The following METTL16 variants were observed in gnomAD, a reference collection of about 807,000 sequenced individuals.
METTL16 encodes RNA N(6)-adenosine-methyltransferase METTL16.
A neutral mutation model predicts 57.9 loss-of-function variants in METTL16; 19 were observed. That is an observed-to-expected ratio of 0.33 (90% CI 0.23 to 0.48). The LOEUF (loss-of-function observed/expected upper bound fraction) is 0.48, where lower values mean the gene tolerates loss of function less well. METTL16 is among the 20% of genes least tolerant of loss of function. The probability of loss-of-function intolerance (pLI) is 0.99; values close to 1 mark genes in which losing one functional copy is unlikely to be tolerated. For synonymous variants in METTL16, 246 were observed against 255.6 expected (o/e 0.96, Z 0.36); for missense variants, 434 against 691.5 (o/e 0.63, Z 4.18).
chr17:2,474,870 A>C (rs1885396389), intron 3 of METTL16, among the ~76,000 whole-genome samples: 2 of 152,128 alleles, frequency 1.3e-5, no homozygotes, highest in Non-Finnish European at 2.9e-5. Flanking sequence ...CAGTGAGCCG[A>C]GATCGTGCCA....
intron 2 of METTL16, among the ~76,000 whole-genome samples, chr17:2,492,591 C>T (rs1464900643): frequency 6.6e-6 from 1 of 151,958 alleles, no homozygotes; most frequent in African/African-American, 2.4e-5. Flanking sequence ...AAGAAAATTA[C>T]ATAAAATCTC....
chr17:2,446,485 C>CA (rs950463975), intron 6 of METTL16, among the ~76,000 whole-genome samples: 1 of 152,180 alleles, frequency 6.6e-6, no homozygotes, highest in Non-Finnish European at 1.5e-5. Context: ...AAGGTCAACA[C>CA]AAAATCAATT....
Position 2,420,563 on chromosome 17 carries a change from C to T in METTL16, c.1096G>A (p.Glu366Lys), listed in dbSNP as rs760799649. Residue 366 changes from glutamate (E) to lysine (K), a missense_variant, in exon 10 of 10, where the codon GAA becomes AAA. This residue lies in a region of METTL16 where 26 missense variants were observed against 63.0 expected (regional missense o/e 0.41). Transcript: ENST00000263092. The surrounding 1 kb of genome is among the most constrained non-coding windows in gnomAD (Gnocchi z 5.4). ...ATGGCCGTTAGGAAAAGGCTGACTT[C>T]CTCTTTTCCACAGGGAACTCGTTTA... ...QHKRVPCGKE[E>K]VSLFLTAIEN... is the part of the protein sequence containing the mutation. 6.2e-7 allele frequency: 1 copy of T among 1,612,600 alleles called. No homozygotes were observed. Among genetic ancestry groups the T allele is most frequent in the Admixed American group, 1.7e-5 (1 of 59,908 alleles).
chr17:2,511,734 T>C, intron 1 of METTL16, 25 bp downstream of exon 1: 1 of 398,108 alleles, frequency 2.5e-6, no homozygotes. Context: ...ATAGTAAATC[T>C]GCGTGAGAGA....
intron 2 of METTL16, among the ~76,000 whole-genome samples, chr17:2,493,304 T>C (rs1377788028): frequency 3.3e-5 from 5 of 151,606 alleles, no homozygotes; most frequent in Non-Finnish European, 7.4e-5. Flanking sequence ...TTAGCCAGGA[T>C]AGTCTTGATC....
rs1412105567 is a variant in METTL16, at chr17:2,416,054, TTC to T, written c.*3914_*3915del. 1 of 152,358 alleles carries T rather than the reference TTC, an allele frequency of 6.6e-6. No individual in the cohort carries two copies. The highest frequency in any genetic ancestry group is 2.4e-5 in the African/African-American group (1 of 41,586). 9.4% of individuals were successfully genotyped at this position (152,358 alleles called of 1,614,324 possible). On this transcript the variant is annotated 3_prime_UTR_variant, in exon 10 of 10. Coordinates refer to ENST00000263092, the MANE Select transcript of METTL16 (RefSeq NM_024086.4). ...TAAAGAGACCATGGCTAGTGTTTTTTTCTCTTTCTACTTTTATTTTTCAAATT... is the reference window on the plus strand; with the variant it reads ...TAAAGAGACCATGGCTAGTGTTTTTTTCTTTCTACTTTTATTTTTCAAATT...
In METTL16 at chr17:2,427,843, G is replaced by C. The variant is rs541139754; in HGVS notation, c.889-6939C>G. The stretch of plus-strand genomic sequence containing the variant: ...TATCAGCAAGTATATGCTGGGTACA[G>C]TGGCTCACACCTGCAATCCCAGCAC... On this transcript the variant is annotated intron_variant, in intron 8 of 9. Transcript: ENST00000263092. 5.9e-5 allele frequency among the ~76,000 whole-genome samples: 9 copies of C among 152,048 alleles called. No individual in the cohort carries two copies. In the South Asian group the frequency reaches 1.9e-3, roughly 32 times the overall value.
intron 6 of METTL16, among the ~76,000 whole-genome samples, chr17:2,457,957 G>A (rs1400785292): frequency 6.6e-6 from 1 of 151,990 alleles, no homozygotes; most frequent in African/African-American, 2.4e-5. Context: ...ACAGCTCATG[G>A]CAGCCTCAAC....
At chr17:2,447,514 C>T in intron 6 of METTL16, among the ~76,000 whole-genome samples, 1 of 126,314 alleles carries the variant, frequency 7.9e-6, no homozygotes, top group Non-Finnish European at 1.6e-5. Flanking sequence ...CTCTGCCCGG[C>T]CGCCCCTACT....
At chr17:2,510,351 T>C (rs899088724) in intron 1 of METTL16, among the ~76,000 whole-genome samples, 14 of 152,226 alleles carry the variant, frequency 9.2e-5, no homozygotes, top group African/African-American at 3.1e-4. Flanking sequence ...TTGCTGACTT[T>C]AGTCACCATA....
In METTL16 at chr17:2,473,450, G is replaced by A. The variant is rs1426814916; in HGVS notation, c.469+74C>T. ...CCGAAGTCTGTGTATTAAAGAAAAA[G>A]GTAATGAAATGCGTTAAACTAAAAA... On this transcript the variant is annotated intron_variant, in intron 4 of 9. Coordinates refer to ENST00000263092, the MANE Select transcript of METTL16 (RefSeq NM_024086.4). 7 of 1,481,634 alleles carry A rather than the reference G, an allele frequency of 4.7e-6. No homozygotes were observed. The East Asian group carries it at 1.4e-4, about 30-fold the overall frequency. The allele number at this position is 1,481,634 out of a possible 1,614,324, so 91.8% of individuals were successfully genotyped here. A position where few individuals can be genotyped will look rare whatever the true frequency, so the allele number is the denominator to read the frequency against.
intron 2 of METTL16, among the ~76,000 whole-genome samples, chr17:2,495,650 C>T (rs530339698): frequency 2.1e-5 from 3 of 144,606 alleles, no homozygotes; most frequent in African/African-American, 5.3e-5. Context: ...AGCTGAGATC[C>T]GGCCACTGCA....
chr17:2,420,286 T>C lies in METTL16; in HGVS notation c.1373A>G (p.Glu458Gly), dbSNP rs751695254. Residue 458 changes from glutamate (E) to glycine (G), a missense_variant, in exon 10 of 10, where the codon GAA becomes GGA. Physicochemically the swap from Glu to Gly is moderately conservative, Grantham distance 98 (BLOSUM62 -2). Transcript: ENST00000263092. The surrounding 1 kb of genome is among the most constrained non-coding windows in gnomAD (Gnocchi z 5.4). ...CPSQESLSQEENPEPTEDERS... is the reference protein window; with the variant it reads ...CPSQESLSQEGNPEPTEDERS... The stretch of plus-strand genomic sequence containing the variant: ...TTCATCCTCCGTGGGTTCCGGGTTT[T>C]CCTCCTGGGACAGGGACTCCTGGCT... 2 of 1,613,380 alleles carry C rather than the reference T, an allele frequency of 1.2e-6. No homozygotes were observed. The highest frequency in any genetic ancestry group is 2.2e-5 in the East Asian group (1 of 44,884).
intron 6 of METTL16, among the ~76,000 whole-genome samples, chr17:2,449,644 G>C (rs2067053698): frequency 6.6e-6 from 1 of 152,180 alleles, no homozygotes; most frequent in Non-Finnish European, 1.5e-5. Flanking sequence ...CAGATTAACA[G>C]AATGGAACAG....
chr17:2,448,773 T>TAAAAAAAAAA (rs1391105641), intron 6 of METTL16, among the ~76,000 whole-genome samples: 1 of 29,608 alleles, frequency 3.4e-5, no homozygotes, highest in African/African-American at 1.4e-4. Flanking sequence ...AAATAAAAAA[T>TAAAAAAAAAA]AAAAAAATAA....
intron 4 of METTL16, among the ~76,000 whole-genome samples, chr17:2,468,191 C>T (rs1167741807): frequency 3.9e-5 from 6 of 152,194 alleles, no homozygotes; most frequent in South Asian, 2.1e-4. Context: ...GCACACACTA[C>T]GATGAATCAC....
chr17:2,472,112 C>A (rs2067239366), intron 4 of METTL16, among the ~76,000 whole-genome samples: 1 of 146,146 alleles, frequency 6.8e-6, no homozygotes, highest in African/African-American at 2.5e-5. Context: ...AAAACTAAGT[C>A]TCAAAAAAAA....
intron 6 of METTL16, among the ~76,000 whole-genome samples, chr17:2,461,576 CTTTT>C (rs568432589): frequency 8.1e-6 from 1 of 123,958 alleles, no homozygotes; most frequent in Non-Finnish European, 1.7e-5. Flanking sequence ...GTTCTCCTGT[CTTTT>C]TTTTTTTTTT....
chr17:2,486,017 C>T (rs2067338552), intron 2 of METTL16, among the ~76,000 whole-genome samples: 1 of 152,026 alleles, frequency 6.6e-6, no homozygotes, highest in Non-Finnish European at 1.5e-5. Context: ...ATTCTAGGGT[C>T]CTAGGTAAAG....
Sources: gnomAD v4.1 joint callset for allele counts (sites outside exome capture counted in the v4.1 genomes callset) on GRCh38, gnomAD v4.1.1 for gene constraint, gnomAD v4.1.1 regional missense constraint, Gnocchi (gnomAD v3.1) non-coding constraint, MANE v1.5 for transcripts, NCBI Gene and HGNC (gene_info 2026-07-23, HGNC 2026-07-21) for gene names.